ATG5: variants seen among roughly 807,000 people sequenced by gnomAD.
The protein encoded by ATG5 is autophagy related 5.
Under a neutral mutation model 36.5 loss-of-function variants are expected in ATG5, and 14 were observed. The observed-to-expected ratio is 0.38, with a 90% CI of 0.25 to 0.60. The LOEUF (loss-of-function observed/expected upper bound fraction) is 0.60. ATG5 is among the 20% of genes least tolerant of loss of function. The probability of loss-of-function intolerance (pLI) is 0.60; values close to 1 mark genes in which losing one functional copy is unlikely to be tolerated. For missense variants in ATG5, 195 were observed against 326.7 expected, an observed-to-expected ratio of 0.60 and a Z score of 3.11; for synonymous variants, 95 against 101.5, an observed-to-expected ratio of 0.94 and a Z score of 0.38.
intron 6 of ATG5, 99 bp downstream of exon 6, chr6:106,248,051 T>C (rs1778417224): frequency 7.9e-6 from 7 of 887,402 alleles, no homozygotes; most frequent in African/African-American, 1.7e-5. Flanking sequence ...ATAAATACCG[T>C]TTAGTTACTA....
intron 1 of ATG5, among the ~76,000 whole-genome samples, chr6:106,322,893 G>C (rs1562275605): frequency 6.6e-6 from 1 of 152,072 alleles, no homozygotes; most frequent in Non-Finnish European, 1.5e-5. Flanking sequence ...AACCATTTCA[G>C]ATCTTCCTTC....
intron 5 of ATG5, among the ~76,000 whole-genome samples, chr6:106,273,955 A>C (rs1417430862): frequency 2.0e-5 from 3 of 152,226 alleles, no homozygotes; most frequent in African/African-American, 7.2e-5. Context: ...AAAATGGCAC[A>C]CTATCAAATA....
chr6:106,319,814 G>A (rs1425025269), intron 1 of ATG5, among the ~76,000 whole-genome samples: 2 of 152,136 alleles, frequency 1.3e-5, no homozygotes, highest in Admixed American at 1.3e-4. Flanking sequence ...ATGGTATCTG[G>A]AATTCAGTAG....
Position 106,307,693 on chromosome 6 carries a change from C to T in ATG5, c.236+671G>A, listed in dbSNP as rs147013534. On this transcript the variant is annotated intron_variant, in intron 3 of 7. Coordinates refer to ENST00000369076, the MANE Select transcript of ATG5 (RefSeq NM_004849.4). Reference sequence around the variant, plus strand: ...CCCGGATTACAGGCATGTGCCACCACGCCCAACTAATTTTGTATTTTTAGT... The same window carrying T: ...CCCGGATTACAGGCATGTGCCACCATGCCCAACTAATTTTGTATTTTTAGT... Among the ~76,000 whole-genome samples, 5 of 152,168 alleles carry T rather than the reference C, an allele frequency of 3.3e-5. No individual in the cohort carries two copies. In the East Asian group the frequency reaches 5.8e-4, roughly 18 times the overall value.
At chr6:106,208,217 T>C (rs1776711993) in intron 6 of ATG5, among the ~76,000 whole-genome samples, 1 of 151,568 alleles carries the variant, frequency 6.6e-6, no homozygotes, top group African/African-American at 2.4e-5. Flanking sequence ...TATGTGTATA[T>C]ATACATCTGT....
intron 6 of ATG5, among the ~76,000 whole-genome samples, chr6:106,229,163 C>A (rs1777566877): frequency 6.6e-6 from 1 of 152,240 alleles, no homozygotes; most frequent in African/African-American, 2.4e-5. Flanking sequence ...TTGAGACTTT[C>A]ATTTCCTCTA....
intron 3 of ATG5, among the ~76,000 whole-genome samples, chr6:106,306,261 T>C (rs1229519889): frequency 6.6e-6 from 1 of 152,186 alleles, no homozygotes; most frequent in Non-Finnish European, 1.5e-5. Flanking sequence ...AAACACTATT[T>C]ACCCATAAAC....
At chr6:106,303,581 A>T (rs939397153) in intron 3 of ATG5, among the ~76,000 whole-genome samples, 10 of 152,130 alleles carry the variant, frequency 6.6e-5, no homozygotes, top group Admixed American at 2.6e-4. Context: ...TATAACCCTA[A>T]TGCTAAATCA....
chr6:106,308,310 C>T, intron 3 of ATG5, 54 bp downstream of exon 3: 1 of 1,418,932 alleles, frequency 7.0e-7, no homozygotes, highest in South Asian at 1.7e-5. Flanking sequence ...GGCACTATAC[C>T]TTTTTAAAGC....
intron 7 of ATG5, among the ~76,000 whole-genome samples, chr6:106,198,007 A>G (rs1776269850): frequency 6.6e-6 from 1 of 152,236 alleles, no homozygotes. Context: ...AAAAACGATT[A>G]ACCTCTTCAT....
In ATG5 at chr6:106,229,661, C is replaced by T. The variant is rs570446495; in HGVS notation, c.573+18489G>A. ...TCCGCGACCCTATAACACTCCAATA[C>T]TACCTTGTTGTCAGCGTAAACAAGG... On this transcript the variant is annotated intron_variant, in intron 6 of 7. Transcript: ENST00000369076. 4.6e-5 allele frequency among the ~76,000 whole-genome samples: 7 copies of T among 152,306 alleles called. No homozygotes were observed. In the South Asian group the frequency reaches 1.4e-3, roughly 32 times the overall value.
intron 6 of ATG5, among the ~76,000 whole-genome samples, chr6:106,246,206 G>A (rs1394051658): frequency 6.6e-6 from 1 of 152,014 alleles, no homozygotes; most frequent in East Asian, 1.9e-4. Context: ...TCTGTTTAAG[G>A]AAAAACTGCC....
chr6:106,278,420 CTG>C (rs1287171917), intron 5 of ATG5, among the ~76,000 whole-genome samples: 1 of 152,152 alleles, frequency 6.6e-6, no homozygotes, highest in African/African-American at 2.4e-5. Flanking sequence ...CATAAAATAT[CTG>C]AGAGTTCCTT....
chr6:106,219,964 T>C (rs1363992034), intron 6 of ATG5, among the ~76,000 whole-genome samples: 3 of 152,128 alleles, frequency 2.0e-5, no homozygotes, highest in Admixed American at 1.3e-4. Context: ...GCTTATCCCC[T>C]CCAAGCAATA....
chr6:106,295,065 C>T (rs983214563), intron 3 of ATG5, among the ~76,000 whole-genome samples: 1 of 150,886 alleles, frequency 6.6e-6, no homozygotes, highest in African/African-American at 2.4e-5. Flanking sequence ...AATATACATA[C>T]ACACACACAC....
intron 6 of ATG5, among the ~76,000 whole-genome samples, chr6:106,207,661 T>A (rs571155963): frequency 1.3e-5 from 2 of 152,196 alleles, no homozygotes; most frequent in African/African-American, 4.8e-5. Flanking sequence ...AAATGATGAT[T>A]TACTATAAGC....
intron 5 of ATG5, among the ~76,000 whole-genome samples, chr6:106,253,197 G>A (rs561358826): frequency 1.1e-4 from 16 of 152,326 alleles, no homozygotes; most frequent in South Asian, 2.1e-4. Context: ...CAGGTTTTCA[G>A]TAAGTGACCT....
chr6:106,245,266 ATAAATAGTTTGATGACAATC>A (rs1460494043), intron 6 of ATG5, among the ~76,000 whole-genome samples: 2 of 152,206 alleles, frequency 1.3e-5, no homozygotes, highest in African/African-American at 4.8e-5. Context: ...CAGATGAAAA[ATAAATAGTTTGATGACAATC>A]TTTACAAAAG....
chr6:106,268,412 A>G (rs1779309525), intron 5 of ATG5, among the ~76,000 whole-genome samples: 1 of 152,208 alleles, frequency 6.6e-6, no homozygotes, highest in East Asian at 1.9e-4. Context: ...AAATAGGAAC[A>G]CTTTTACACT....
Sources: allele counts gnomAD v4.1 joint callset (sites outside exome capture counted in the v4.1 genomes callset), GRCh38; gene constraint gnomAD v4.1.1; transcripts MANE v1.5; gene names NCBI Gene and HGNC (gene_info 2026-07-23, HGNC 2026-07-21).